CTPS1: variants seen among roughly 807,000 people sequenced by gnomAD.
The protein encoded by CTPS1 is CTP synthetase 1.
In CTPS1, 25 loss-of-function variants were observed where a neutral mutation model predicts 80.5. That is an observed-to-expected ratio of 0.31 (90% CI 0.23 to 0.43). CTPS1 has a LOEUF of 0.43. CTPS1 is among the 20% of genes least tolerant of loss of function. The pLI, the probability that CTPS1 is intolerant of heterozygous loss-of-function variation, is 1.00. For missense variants in CTPS1, 442 were observed against 725.7 expected (o/e 0.61, Z 4.49); for synonymous variants, 267 against 252.5 (o/e 1.06, Z -0.54).
chr1:41,003,720 A>G (rs951762784), intron 12 of CTPS1, among the ~76,000 whole-genome samples: 3 of 152,226 alleles, frequency 2.0e-5, no homozygotes, highest in African/African-American at 7.2e-5. Flanking sequence ...TGCTCAGATA[A>G]TATCAGCTCT....
chr1:40,997,004 CAA>C (rs918780448), intron 8 of CTPS1: 1 of 152,020 alleles, frequency 6.6e-6, no homozygotes, highest in Non-Finnish European at 1.5e-5. Context: ...AAAACAAAAA[CAA>C]AAAAAAAATT....
At chr1:41,003,233 G>A (rs926865970) in intron 12 of CTPS1, 57 bp downstream of exon 12, 1 of 1,589,332 alleles carries the variant, frequency 6.3e-7, no homozygotes, top group South Asian at 1.1e-5. Context: ...TGGAGGATAT[G>A]AGGCCTGTTG....
At chr1:41,009,142 A>T (rs1318029719) in intron 16 of CTPS1, among the ~76,000 whole-genome samples, 1 of 152,098 alleles carries the variant, frequency 6.6e-6, no homozygotes, top group African/African-American at 2.4e-5. Flanking sequence ...TGGAGTTGGT[A>T]CTAAAGCCAC....
chr1:41,002,351 A>G, intron 11 of CTPS1, 97 bp downstream of exon 11: 1 of 951,658 alleles, frequency 1.1e-6, no homozygotes, highest in East Asian at 2.4e-5. Flanking sequence ...GGATTACTGA[A>G]ACATGCTGTC....
chr1:40,999,004 G>A (rs1376312321), intron 9 of CTPS1, among the ~76,000 whole-genome samples: 2 of 152,174 alleles, frequency 1.3e-5, no homozygotes, highest in African/African-American at 2.4e-5. Flanking sequence ...TTTGTCAGGT[G>A]GCAGAGGATG....
At chr1:40,988,731 T>G (rs1642521879) in intron 5 of CTPS1, 21 bp downstream of exon 5, 11 of 1,527,750 alleles carry the variant, frequency 7.2e-6, no homozygotes, top group Non-Finnish European at 1.0e-5. Context: ...CATTGAAAGT[T>G]TTACTTTGGG....
chr1:40,996,356 C>T (rs756633391), intron 8 of CTPS1, among the ~76,000 whole-genome samples: 16 of 152,128 alleles, frequency 1.1e-4, no homozygotes, highest in Non-Finnish European at 1.3e-4. Flanking sequence ...TGCAGATGGG[C>T]GTCCTGGTGG....
intron 1 of CTPS1, chr1:40,981,789 G>A: frequency 4.2e-6 from 1 of 239,940 alleles, no homozygotes; most frequent in Non-Finnish European, 8.5e-6. Context: ...TGCAGCAGAG[G>A]ATGCAAAGAG....
rs971839265 is a variant in CTPS1 at position 40,998,668 on chromosome 1, C to T, written c.1005+1142C>T. Reference sequence around the variant, plus strand: ...GTTAAACCCTCCCTTCTGCCTGTCCCCTTTATTCCTTTTCTTCCTGGCCCA... The same window carrying T: ...GTTAAACCCTCCCTTCTGCCTGTCCTCTTTATTCCTTTTCTTCCTGGCCCA... On this transcript the variant is annotated intron_variant, in intron 9 of 18. Transcript: ENST00000650070. Among the ~76,000 whole-genome samples the T allele has an allele frequency of 3.9e-5, 6 of 152,164 alleles. No homozygotes were observed. In the East Asian group the frequency reaches 9.6e-4, roughly 24 times the overall value.
chr1:41,006,126 T>C (rs1643027528), intron 13 of CTPS1, 32 bp downstream of exon 13: 4 of 1,497,764 alleles, frequency 2.7e-6, no homozygotes, highest in Non-Finnish European at 3.7e-6. Flanking sequence ...CCACAGGGCT[T>C]AGAAGGGTGT....
At chr1:40,993,490 G>A (rs1642669359) in intron 7 of CTPS1, among the ~76,000 whole-genome samples, 1 of 151,566 alleles carries the variant, frequency 6.6e-6, no homozygotes, top group Non-Finnish European at 1.5e-5. Context: ...TTAGGCGGAC[G>A]CTACCATGTT....
intron 9 of CTPS1, among the ~76,000 whole-genome samples, chr1:40,999,498 A>G (rs948964499): frequency 8.5e-5 from 13 of 152,342 alleles, no homozygotes; most frequent in Admixed American, 6.5e-5. Flanking sequence ...ACCTCTAGTT[A>G]GGGAAATCAG....
chr1:40,988,424 A>G, intron 4 of CTPS1, 170 bp from the exon 5 acceptor site: 1 of 600,194 alleles, frequency 1.7e-6, no homozygotes, highest in Non-Finnish European at 3.0e-6. Context: ...ACCTTTTAGT[A>G]CAAAGAGTTG....
chr1:40,996,503 C>T (rs1189714835), intron 8 of CTPS1, among the ~76,000 whole-genome samples: 8 of 152,148 alleles, frequency 5.3e-5, no homozygotes, highest in Admixed American at 2.0e-4. Flanking sequence ...CACATTAGGA[C>T]GGGGATGTGT....
intron 9 of CTPS1, among the ~76,000 whole-genome samples, 184 bp downstream of exon 9, chr1:40,997,710 G>A (rs987369146): frequency 6.6e-6 from 1 of 152,194 alleles, no homozygotes; most frequent in Non-Finnish European, 1.5e-5. Flanking sequence ...AGCATTTTCA[G>A]GAATTAATGA....
At chr1:40,994,511 A>G (rs1642703944) in intron 7 of CTPS1, among the ~76,000 whole-genome samples, 1 of 152,240 alleles carries the variant, frequency 6.6e-6, no homozygotes, top group South Asian at 2.1e-4. Context: ...CATGTGTAGG[A>G]GACCCTGCTG....
At chr1:41,006,642 G>A (rs1423897349) in intron 13 of CTPS1, among the ~76,000 whole-genome samples, 1 of 152,224 alleles carries the variant, frequency 6.6e-6, no homozygotes, top group Non-Finnish European at 1.5e-5. Flanking sequence ...GCACATGGAG[G>A]AGGGACGATG....
chr1:41,001,063 C>T lies in CTPS1; in HGVS notation c.1040C>T (p.Ser347Leu), dbSNP rs988433826. The T allele has an allele frequency of 9.9e-6, 16 of 1,612,356 alleles. No homozygotes were observed. Among genetic ancestry groups the T allele is most frequent in the South Asian group, 5.5e-5 (5 of 90,824 alleles). The change falls in exon 10 of 19, where the codon TCG becomes TTG. Residue 347 changes from serine (S) to leucine (L), a missense_variant. This residue lies in a region of CTPS1 where 321 missense variants were observed against 467.2 expected (regional missense o/e 0.69). Transcript: ENST00000650070. ...IDSADLEPIT[S>L]QEEPVRYHEA... ...TCTGCGGACTTGGAGCCCATCACCT[C>T]GCAAGAAGAGCCCGTGCGCTACCAC... is the stretch of plus-strand genomic sequence containing the variant.
Position 40,983,429 on chromosome 1 carries a change from G to T in CTPS1, c.139G>T (p.Ala47Ser). ...AATTGACCCCTACATTAACATTGAT[G>T]CAGGAACATTCTCTCCTTATGAGCA... ...IKIDPYINIDAGTFSPYEHGE... is the reference protein window; with the variant it reads ...IKIDPYINIDSGTFSPYEHGE... Residue 47 changes from alanine to serine, a missense_variant, in exon 2 of 19, where the codon GCA becomes TCA. This residue lies in a region of CTPS1 where 25 missense variants were observed against 72.7 expected (regional missense o/e 0.34). Transcript: ENST00000650070. The T allele has an allele frequency of 6.2e-7, 1 of 1,613,548 alleles. No individual in the cohort carries two copies. Among genetic ancestry groups the T allele is most frequent in the African/African-American group, 1.3e-5 (1 of 75,020 alleles).
Sources: allele counts gnomAD v4.1 joint callset (sites outside exome capture counted in the v4.1 genomes callset), GRCh38; gene constraint gnomAD v4.1.1; regional missense constraint gnomAD v4.1.1; transcripts MANE v1.5; gene names NCBI Gene and HGNC (gene_info 2026-07-23, HGNC 2026-07-21).